Variants in SASH1 observed in about 807,000 individuals in gnomAD.
The protein encoded by SASH1 is SAM and SH3 domain containing 1.
A neutral mutation model predicts 125.2 loss-of-function variants in SASH1; 44 were observed. The ratio of observed to expected loss-of-function variants is 0.35; its 90% CI spans 0.28 to 0.45. The LOEUF (loss-of-function observed/expected upper bound fraction) is 0.45, where lower values mean the gene tolerates loss of function less well. Among genes scored for constraint, SASH1 ranks in the 20% least tolerant of loss-of-function variants. SASH1 has a pLI of 1.00. For missense variants in SASH1, 1,426 were observed against 1,614.5 expected, an observed-to-expected ratio of 0.88 and a Z score of 2.00; for synonymous variants, 639 against 649.1, an observed-to-expected ratio of 0.98 and a Z score of 0.24.
the SASH1 span, among the ~76,000 whole-genome samples, chr6:148,204,909 G>A: frequency 6.6e-6 from 1 of 152,158 alleles, no homozygotes; most frequent in Middle Eastern, 3.4e-3. Flanking sequence ...TGGTCCTCAG[G>A]GTGTTTTCAC....
At chr6:148,524,113 A>AT (rs1384231407) in intron 10 of SASH1, among the ~76,000 whole-genome samples, 1,206 of 61,756 alleles carry the variant, frequency 0.02, 24 homozygotes, top group African/African-American at 0.063. Flanking sequence ...ATATATATAT[A>AT]TATATATATT....
intron 2 of SASH1, among the ~76,000 whole-genome samples, chr6:148,398,770 A>G (rs560030039): frequency 1.3e-5 from 2 of 152,344 alleles, no homozygotes; most frequent in South Asian, 2.1e-4. Context: ...ATCTGTGGGC[A>G]TTAGATGGTG....
chr6:148,233,698 C>G, the SASH1 span, among the ~76,000 whole-genome samples: 1 of 132,954 alleles, frequency 7.5e-6, no homozygotes, highest in African/African-American at 3.0e-5. Flanking sequence ...AGTTTGAGAC[C>G]AGCTTAGGCA....
chr6:148,491,558 C>T (rs12195822), intron 8 of SASH1, among the ~76,000 whole-genome samples: 6,746 of 152,284 alleles, frequency 0.044, 195 homozygotes, highest in Admixed American at 0.071. Context: ...GCGTGAGCCA[C>T]CGCACCTGGC....
intron 4 of SASH1, among the ~76,000 whole-genome samples, chr6:148,447,944 C>T (rs371720808): frequency 6.6e-5 from 10 of 152,142 alleles, no homozygotes; most frequent in African/African-American, 9.7e-5. Flanking sequence ...CATTACCCCC[C>T]GCTGCCCACT....
intron 8 of SASH1, among the ~76,000 whole-genome samples, chr6:148,494,587 A>G (rs903673870): frequency 2.0e-5 from 3 of 152,192 alleles, no homozygotes; most frequent in African/African-American, 4.8e-5. Context: ...AGATCACGCC[A>G]CTGCTCTCCA....
At chr6:148,462,368 T>C (rs1165109347) in intron 4 of SASH1, among the ~76,000 whole-genome samples, 1 of 152,114 alleles carries the variant, frequency 6.6e-6, no homozygotes, top group Non-Finnish European at 1.5e-5. Flanking sequence ...ATGAAGTGTA[T>C]TTTAGGAATT....
chr6:148,527,246 C>T (rs1781232807), intron 11 of SASH1: 3 of 464,840 alleles, frequency 6.5e-6, no homozygotes, highest in Non-Finnish European at 3.7e-6. Flanking sequence ...AAGTGACTCA[C>T]ATCCCACTTT....
At chr6:148,322,258 A>C (rs1780652316) in intron 1 of SASH1, among the ~76,000 whole-genome samples, 1 of 152,124 alleles carries the variant, frequency 6.6e-6, no homozygotes, top group South Asian at 2.1e-4. Context: ...GGCTGAGGGC[A>C]TGAGAATCAG....
chr6:148,230,810 A>G, the SASH1 span, among the ~76,000 whole-genome samples: 1 of 152,130 alleles, frequency 6.6e-6, no homozygotes, highest in South Asian at 2.1e-4. Context: ...TCTTTTGCCC[A>G]TCTTAAATTG....
At chr6:148,428,627 C>T (rs1775926249) in intron 2 of SASH1, among the ~76,000 whole-genome samples, 2 of 3,552 alleles carry the variant, frequency 5.6e-4, no homozygotes, top group African/African-American at 3.7e-3. Flanking sequence ...GAAACTTTAT[C>T]TCAAAAAAAA....
Position 148,532,762 on chromosome 6 carries a change from G to C in SASH1, c.1565-35G>C, listed in dbSNP as rs1554271445. On this transcript the variant is annotated intron_variant, in intron 13 of 19. Coordinates refer to ENST00000367467, the MANE Select transcript of SASH1 (RefSeq NM_015278.5). This position sits in a 1 kb window ranked among gnomAD's most constrained non-coding sequence, Gnocchi z 4.7. ...TCTGCTTTGCTGGGTGGGAAATCTG[G>C]ATCTACCCGTGTTCTTCCTATGTTT... 6.2e-7 allele frequency: 1 copy of C among 1,610,162 alleles called. No individual in the cohort carries two copies. Among genetic ancestry groups the C allele is most frequent in the Admixed American group, 1.7e-5 (1 of 59,956 alleles).
At chr6:148,520,021 G>A in intron 10 of SASH1, 128 bp downstream of exon 10, 2 of 659,696 alleles carry the variant, frequency 3.0e-6, no homozygotes, top group South Asian at 4.1e-5. Context: ...AATTATTCCT[G>A]TTCCAGAGCT....
At chr6:148,505,879 G>A (rs1227318248) in intron 8 of SASH1, among the ~76,000 whole-genome samples, 5 of 151,820 alleles carry the variant, frequency 3.3e-5, no homozygotes, top group South Asian at 2.1e-4. Context: ...CTCGTGATCC[G>A]CCCACCTTGG....
chr6:148,337,503 C>T lies in SASH1; in HGVS notation n.75-52631C>T, dbSNP rs540283316. On this transcript the variant is annotated intron_variant and non_coding_transcript_variant, in intron 1 of 3. Coordinates refer to the SASH1 transcript ENST00000367469. The stretch of plus-strand genomic sequence containing the variant: ...CCTCCCAAAGTGGTGGGATTACAGG[C>T]GTGAGCCACCATGCCTGGCCCTTAA... Among the ~76,000 whole-genome samples, 5 of 152,170 alleles carry T rather than the reference C, an allele frequency of 3.3e-5. No homozygotes were observed. In the East Asian group the frequency reaches 9.7e-4, roughly 29 times the overall value.
At chr6:148,388,554 A>C (rs1205805841) in intron 1 of SASH1, among the ~76,000 whole-genome samples, 1 of 152,226 alleles carries the variant, frequency 6.6e-6, no homozygotes. Context: ...GCTCAAATGC[A>C]GAACATGTTA....
intron 2 of SASH1, among the ~76,000 whole-genome samples, chr6:148,418,774 G>C (rs1037851469): frequency 5.9e-5 from 9 of 152,180 alleles, no homozygotes; most frequent in African/African-American, 2.2e-4. Context: ...ACCTGATCCA[G>C]TCTTAGGGGA....
intron 1 of SASH1, among the ~76,000 whole-genome samples, chr6:148,287,343 C>G (rs1313549403): frequency 6.6e-6 from 1 of 152,158 alleles, no homozygotes; most frequent in African/African-American, 2.4e-5. Context: ...TATTTAGAAT[C>G]TATCGGCATG....
intron 1 of SASH1, among the ~76,000 whole-genome samples, chr6:148,383,256 C>T (rs951529518): frequency 3.3e-5 from 5 of 151,994 alleles, no homozygotes; most frequent in Non-Finnish European, 7.4e-5. Context: ...GTGAAAACAC[C>T]TTGGGAAGTC....
Sources: allele counts gnomAD v4.1 joint callset (sites outside exome capture counted in the v4.1 genomes callset), GRCh38; gene constraint gnomAD v4.1.1; non-coding constraint Gnocchi (gnomAD v3.1); transcripts MANE v1.5; gene names NCBI Gene and HGNC (gene_info 2026-07-23, HGNC 2026-07-21).